FTCDNL1: variants seen among roughly 807,000 people sequenced by gnomAD.
FTCDNL1 encodes the protein formiminotransferase cyclodeaminase N-terminal like.
A neutral mutation model predicts 5.9 loss-of-function variants in FTCDNL1; 11 were observed. That is an observed-to-expected ratio of 1.87 (90% CI 1.18 to 3.10). FTCDNL1 has a LOEUF of 3.10. Among genes scored for constraint, FTCDNL1 ranks in the 30% most tolerant of loss-of-function variants. The pLI is 0.00. For synonymous variants in FTCDNL1, 58 were observed against 24.8 expected (o/e 2.34, Z -3.99); for missense variants, 115 against 65.5 (o/e 1.76, Z -2.61).
chr2:199,706,287 G>A, the FTCDNL1 span, among the ~76,000 whole-genome samples: 1 of 152,134 alleles, frequency 6.6e-6, no homozygotes, highest in African/African-American at 2.4e-5. Flanking sequence ...ACCCAGAGAT[G>A]CAGGGATGGA....
the FTCDNL1 span, among the ~76,000 whole-genome samples, chr2:199,716,514 G>T: frequency 3.9e-5 from 6 of 152,142 alleles, no homozygotes; most frequent in African/African-American, 1.2e-4. Flanking sequence ...AACGTGGAAG[G>T]CATATCCTGA....
chr2:199,746,302 T>A, the FTCDNL1 span, among the ~76,000 whole-genome samples: 1 of 152,256 alleles, frequency 6.6e-6, no homozygotes, highest in South Asian at 2.1e-4. Flanking sequence ...ATGGGTCAAA[T>A]GTGTTTGGGT....
intron 3 of FTCDNL1, among the ~76,000 whole-genome samples, chr2:199,802,578 T>A (rs1700511528): frequency 6.6e-6 from 1 of 152,210 alleles, no homozygotes; most frequent in Admixed American, 6.5e-5. Context: ...TGGCCTCACC[T>A]GGTGGCAATT....
intron 3 of FTCDNL1, among the ~76,000 whole-genome samples, chr2:199,792,141 G>A (rs564839022): frequency 6.6e-6 from 1 of 152,078 alleles, no homozygotes; most frequent in Non-Finnish European, 1.5e-5. Flanking sequence ...GGTGGGAGAT[G>A]AAATTTTGAA....
the FTCDNL1 span, among the ~76,000 whole-genome samples, chr2:199,748,380 A>C: frequency 2.6e-5 from 4 of 152,086 alleles, no homozygotes; most frequent in Admixed American, 2.6e-4. Flanking sequence ...TTTGAAAACT[A>C]TGTTACCAAA....
chr2:199,689,268 C>G, the FTCDNL1 span, among the ~76,000 whole-genome samples: 1 of 152,078 alleles, frequency 6.6e-6, no homozygotes, highest in African/African-American at 2.4e-5. Context: ...GAGAATTTTT[C>G]TAATGGTTTG....
At chr2:199,797,569 GC>G (rs1700233792) in intron 3 of FTCDNL1, among the ~76,000 whole-genome samples, 1 of 152,218 alleles carries the variant, frequency 6.6e-6, no homozygotes, top group Non-Finnish European at 1.5e-5. Context: ...CATGTAAAAA[GC>G]AATAAAAGGA....
At chr2:199,833,023 C>T (rs1702477848) in intron 3 of FTCDNL1, among the ~76,000 whole-genome samples, 1 of 151,326 alleles carries the variant, frequency 6.6e-6, no homozygotes, top group African/African-American at 2.4e-5. Flanking sequence ...AGGCTGGAGT[C>T]CAGTGGCACC....
the FTCDNL1 span, among the ~76,000 whole-genome samples, chr2:199,709,915 T>TATGGCTTTTGTAGC: frequency 0.023 from 3,527 of 152,278 alleles, 144 homozygotes; most frequent in African/African-American, 0.079. Flanking sequence ...TTTGTCCCAT[T>TATGGCTTTTGTAGC]CATATATTTG....
intron 3 of FTCDNL1, among the ~76,000 whole-genome samples, chr2:199,789,050 A>T (rs1430197805): frequency 6.6e-6 from 1 of 151,852 alleles, no homozygotes; most frequent in Non-Finnish European, 1.5e-5. Flanking sequence ...TCACTAGGGC[A>T]ATTTTATCCA....
At position 199,847,281 on chromosome 2, in the gene FTCDNL1, T is replaced by TA. The variant is rs138355801; in HGVS notation, c.116-1112dup. ...AAAATAAATGCCTTTAAAATATTTG[T>TA]AAAAAAAAAAGGTTCATTTTCTTAA... is the stretch of plus-strand genomic sequence containing the variant. On this transcript the variant is annotated intron_variant, in intron 2 of 4. Coordinates refer to ENST00000420128, the MANE Select transcript of FTCDNL1 (RefSeq NM_001363886.2). 0.011 allele frequency among the ~76,000 whole-genome samples: 1,701 copies of TA among 148,260 alleles called. 48 individuals are homozygous for TA. In the East Asian group the frequency reaches 0.13, roughly 11 times the overall value.
chr2:199,706,718 G>A, the FTCDNL1 span, among the ~76,000 whole-genome samples: 1 of 152,148 alleles, frequency 6.6e-6, no homozygotes, highest in Non-Finnish European at 1.5e-5. Context: ...TAAAGTGAAT[G>A]GACAGCTGCA....
At chr2:199,686,691 C>A in the FTCDNL1 span, among the ~76,000 whole-genome samples, 1 of 152,090 alleles carries the variant, frequency 6.6e-6, no homozygotes, top group East Asian at 1.9e-4. Context: ...ACAGGAGTTA[C>A]AGTATTCCAA....
intron 4 of FTCDNL1, among the ~76,000 whole-genome samples, chr2:199,815,696 C>T (rs564188752): frequency 2.3e-4 from 35 of 152,272 alleles, no homozygotes; most frequent in East Asian, 9.6e-4. Context: ...GTAGATATTG[C>T]TTCAAAAAAT....
rs189958066 is a variant in FTCDNL1 at position 199,825,088 on chromosome 2, T to A, written c.212-5331A>T. Among the ~76,000 whole-genome samples the A allele has an allele frequency of 2.2e-3, 324 of 148,302 alleles. 5 individuals carry two copies. The highest frequency in any genetic ancestry group is 0.018 in the Admixed American group (273 of 14,776). ...GGGAGACCAAGGCTGCAGTGAGCCA[T>A]GATTATGCCACTGCACTCCAGCCTG... On this transcript the variant is annotated intron_variant, in intron 3 of 4. Coordinates refer to ENST00000420128, the MANE Select transcript of FTCDNL1 (RefSeq NM_001363886.2).
intron 3 of FTCDNL1, among the ~76,000 whole-genome samples, chr2:199,774,664 C>G (rs781767643): frequency 1.1e-4 from 16 of 152,052 alleles, no homozygotes; most frequent in Non-Finnish European, 2.2e-4. Flanking sequence ...GACTCTCAAC[C>G]AGGGCATGGC....
the FTCDNL1 span, among the ~76,000 whole-genome samples, chr2:199,694,953 T>A: frequency 3.8e-4 from 58 of 152,176 alleles, no homozygotes; most frequent in Non-Finnish European, 6.5e-4. Flanking sequence ...GTCTCTGGGA[T>A]CTAGCTGCAG....
chr2:199,850,348 CTCA>C (rs2076843459), intron 1 of FTCDNL1, among the ~76,000 whole-genome samples: 1 of 152,204 alleles, frequency 6.6e-6, no homozygotes, highest in African/African-American at 2.4e-5. Flanking sequence ...GCTTAATTGT[CTCA>C]TCAGGCACTT....
intron 3 of FTCDNL1, among the ~76,000 whole-genome samples, chr2:199,803,382 T>C (rs114134904): frequency 6.6e-6 from 1 of 151,870 alleles, no homozygotes; most frequent in Non-Finnish European, 1.5e-5. Context: ...AAACTAGAGG[T>C]GAAGGCCCAT....
Sources: allele counts gnomAD v4.1 joint callset (sites outside exome capture counted in the v4.1 genomes callset), GRCh38; gene constraint gnomAD v4.1.1; transcripts MANE v1.5; gene names NCBI Gene and HGNC (gene_info 2026-07-23, HGNC 2026-07-21).